The following TENM4 variants were observed in gnomAD, a reference collection of about 807,000 sequenced individuals.
The protein encoded by TENM4 is teneurin transmembrane protein 4, also known as teneurin-4.
Under a neutral mutation model 243.3 loss-of-function variants are expected in TENM4, and 82 were observed. That is an observed-to-expected ratio of 0.34 (90% CI 0.28 to 0.40). TENM4 has a LOEUF of 0.40. TENM4 is among the 10% of genes least tolerant of loss of function. TENM4 has a pLI of 1.00. For synonymous variants in TENM4, 1,412 were observed against 1,456.3 expected, an observed-to-expected ratio of 0.97 and a Z score of 0.69; for missense variants, 3,138 against 3,673.3, an observed-to-expected ratio of 0.85 and a Z score of 3.77.
intron 6 of TENM4, among the ~76,000 whole-genome samples, chr11:79,059,927 C>T (rs552526251): frequency 6.6e-6 from 1 of 152,344 alleles, no homozygotes; most frequent in South Asian, 2.1e-4. Context: ...CACTCTGCAA[C>T]ACTGCCTGCT....
At chr11:79,077,045 A>G (rs781559335) in intron 4 of TENM4, among the ~76,000 whole-genome samples, 6 of 152,228 alleles carry the variant, frequency 3.9e-5, no homozygotes, top group Non-Finnish European at 8.8e-5. Flanking sequence ...ACCTAGTTCC[A>G]TAGGCTCATT....
chr11:79,081,421 T>C (rs1331294725), intron 4 of TENM4, among the ~76,000 whole-genome samples: 2 of 152,196 alleles, frequency 1.3e-5, no homozygotes, highest in East Asian at 3.9e-4. Context: ...GCCCTGGGCA[T>C]ACCTGACACT....
At chr11:78,904,227 G>A (rs1200903287) in intron 6 of TENM4, among the ~76,000 whole-genome samples, 2 of 151,776 alleles carry the variant, frequency 1.3e-5, no homozygotes, top group Non-Finnish European at 2.9e-5. Context: ...GGGCGTGGTG[G>A]CGGGCGCCTG....
intron 4 of TENM4, among the ~76,000 whole-genome samples, chr11:79,086,308 C>G (rs1860809887): frequency 6.6e-6 from 1 of 152,210 alleles, no homozygotes; most frequent in African/African-American, 2.4e-5. Context: ...CAACCAACAC[C>G]CGGTAGATTA....
At chr11:78,750,136 C>A (rs1856148969) in intron 19 of TENM4, among the ~76,000 whole-genome samples, 1 of 152,196 alleles carries the variant, frequency 6.6e-6, no homozygotes, top group East Asian at 1.9e-4. Context: ...AGAATGCTTT[C>A]TACAATCCTG....
At chr11:78,870,696 A>G (rs1426406022) in intron 9 of TENM4, among the ~76,000 whole-genome samples, 1 of 152,146 alleles carries the variant, frequency 6.6e-6, no homozygotes, top group Non-Finnish European at 1.5e-5. Flanking sequence ...GCAAGGATTC[A>G]TGGGTGCTGC....
In TENM4 at chr11:79,176,308, A is replaced by G. The variant is rs116173853; in HGVS notation, c.-162-27502T>C. On this transcript the variant is annotated intron_variant, in intron 3 of 33. Coordinates refer to ENST00000278550, the MANE Select transcript of TENM4 (RefSeq NM_001098816.3). Reference sequence around the variant, plus strand: ...CAACAGGGTCCTTGGGCCATCTTCTACACTCCATTTACTCCAGTTCTGCTC... The same window carrying G: ...CAACAGGGTCCTTGGGCCATCTTCTGCACTCCATTTACTCCAGTTCTGCTC... Among the ~76,000 whole-genome samples, 394 of 152,290 alleles carry G rather than the reference A, an allele frequency of 2.6e-3. 1 individual carries two copies. The highest frequency in any genetic ancestry group is 9.0e-3 in the African/African-American group (375 of 41,552).
At chr11:78,687,232 A>C (rs1303648162) in intron 29 of TENM4, among the ~76,000 whole-genome samples, 1 of 151,556 alleles carries the variant, frequency 6.6e-6, no homozygotes, top group African/African-American at 2.4e-5. Flanking sequence ...CCCATTCCAC[A>C]CAGCTTCAGC....
chr11:78,872,112 A>G (rs894345953), intron 9 of TENM4, among the ~76,000 whole-genome samples: 3 of 152,154 alleles, frequency 2.0e-5, no homozygotes, highest in African/African-American at 7.2e-5. Flanking sequence ...ATTGTCTACA[A>G]TTGTACCGTT....
chr11:79,402,123 C>A, intron 1 of TENM4: 1 of 362,844 alleles, frequency 2.8e-6, no homozygotes. Context: ...ATTTCACACA[C>A]AGCAGTCCCT....
intron 6 of TENM4, among the ~76,000 whole-genome samples, chr11:79,001,857 C>G (rs1231466638): frequency 6.6e-6 from 1 of 152,192 alleles, no homozygotes; most frequent in Non-Finnish European, 1.5e-5. Flanking sequence ...CAAACCATGC[C>G]TGACCATTGG....
chr11:78,815,045 C>G lies in TENM4; in HGVS notation c.1682-650G>C, dbSNP rs570391763. ...CTCCTTAAAACCCTTCAAGGGCTCC[C>G]CATTTGCTAAGATGAAAAAAATCCA... On this transcript the variant is annotated intron_variant, in intron 12 of 33. Transcript: ENST00000278550. Among the ~76,000 whole-genome samples the G allele has an allele frequency of 2.0e-5, 3 of 152,288 alleles. No individual in the cohort carries two copies. The South Asian group carries it at 6.2e-4, about 32-fold the overall frequency.
chr11:79,076,063 T>C (rs1026030710), intron 4 of TENM4, among the ~76,000 whole-genome samples: 3 of 152,194 alleles, frequency 2.0e-5, no homozygotes, highest in Non-Finnish European at 1.5e-5. Flanking sequence ...GTCTTGGTTT[T>C]GGTGTGTCTG....
chr11:79,068,786 C>G (rs1393211754), intron 5 of TENM4, among the ~76,000 whole-genome samples: 1 of 152,140 alleles, frequency 6.6e-6, no homozygotes, highest in Non-Finnish European at 1.5e-5. Flanking sequence ...AATATCATGG[C>G]AGGTCTGGAA....
intron 1 of TENM4, among the ~76,000 whole-genome samples, chr11:79,370,779 TAAAAAAAA>T (rs544196671): frequency 1.2e-4 from 7 of 57,164 alleles, no homozygotes; most frequent in South Asian, 1.3e-3. Context: ...ACTCCTATGG[TAAAAAAAA>T]AAAAAAAAAA....
chr11:79,045,723 CT>C (rs34804783), intron 6 of TENM4, among the ~76,000 whole-genome samples: 128,020 of 146,500 alleles, frequency 0.87, 56,841 homozygotes, highest in Non-Finnish European at 0.97. Flanking sequence ...TGGATGACGC[CT>C]TTTTTTTTTT....
chr11:79,012,751 C>G (rs1858677391), intron 6 of TENM4, among the ~76,000 whole-genome samples: 1 of 152,182 alleles, frequency 6.6e-6, no homozygotes, highest in Admixed American at 6.5e-5. Flanking sequence ...GTATGCTCTT[C>G]CCTCCAGACA....
chr11:79,338,814 C>G (rs190730255), intron 1 of TENM4, among the ~76,000 whole-genome samples: 1 of 152,344 alleles, frequency 6.6e-6, no homozygotes, highest in East Asian at 1.9e-4. Flanking sequence ...ACAAGTCACA[C>G]TCACGGAGCC....
intron 17 of TENM4, among the ~76,000 whole-genome samples, chr11:78,771,680 T>C (rs571862091): frequency 6.6e-6 from 1 of 152,308 alleles, no homozygotes; most frequent in East Asian, 1.9e-4. Flanking sequence ...ATTTATTTTG[T>C]CTTATTTTCT....
Sources: allele counts gnomAD v4.1 joint callset (sites outside exome capture counted in the v4.1 genomes callset), GRCh38; gene constraint gnomAD v4.1.1; transcripts MANE v1.5; gene names NCBI Gene and HGNC (gene_info 2026-07-23, HGNC 2026-07-21).